GFAP: variants seen among roughly 807,000 people sequenced by gnomAD.
The protein encoded by GFAP is glial fibrillary acidic protein.
A neutral mutation model predicts 49.3 loss-of-function variants in GFAP; 38 were observed. The observed-to-expected ratio is 0.77, with a 90% confidence interval of 0.60 to 1.01. The LOEUF is 1.01. GFAP is among the 50% of genes least tolerant of loss of function. The pLI is 0.00. For missense variants in GFAP, 463 were observed against 579.1 expected (o/e 0.80, Z 2.06); for synonymous variants, 222 against 236.4 (o/e 0.94, Z 0.56).
Position 44,913,722 on chromosome 17 carries a change from C to A in GFAP, c.618+6G>T. 1.2e-6 allele frequency: 2 copies of A among 1,604,256 alleles called. No homozygotes were observed. The highest frequency in any genetic ancestry group is 1.1e-5 in the South Asian group (1 of 90,870). On this transcript the variant is annotated splice_donor_region_variant and intron_variant, in intron 3 of 8. Transcript: ENST00000588735. ...TTGAGCTTTCCTCCCTCTGCCCTGGCCTCACCTCCTCGTGGATCTTCCTCA... is the reference window on the plus strand; with the variant it reads ...TTGAGCTTTCCTCCCTCTGCCCTGGACTCACCTCCTCGTGGATCTTCCTCA...
rs1039767644 is a variant in GFAP, at chr17:44,913,361, C to G, written c.688G>C (p.Asp230His). The G allele has an allele frequency of 3.1e-6, 5 of 1,614,196 alleles. No individual in the cohort carries two copies. The South Asian group carries it at 5.5e-5, about 18-fold the overall frequency. The part of the protein sequence containing the change: ...VHVELDVAKP[D>H]LTAALKEIRT... ...ATCTCTTTCAGGGCTGCGGTGAGGT[C>G]TGGCTTGGCCACGTCAAGCTCCACA... Residue 230 changes from aspartate (D) to histidine (H), a missense_variant, in exon 4 of 9, where the codon GAC becomes CAC. By Grantham distance (81) the Asp-to-His change is moderately conservative. Transcript: ENST00000588735.
Position 44,903,906 on chromosome 17 carries a change from T to A in GFAP, c.*3441A>T. 6.4e-7 allele frequency: 1 copy of A among 1,550,562 alleles called. No individual in the cohort carries two copies. Among genetic ancestry groups the A allele is most frequent in the Non-Finnish European group, 8.7e-7 (1 of 1,146,962 alleles). On this transcript the variant is annotated 3_prime_UTR_variant, in exon 9 of 9. Transcript: ENST00000588735. ...TTTGAAATTGTGGAGAAGGAAAACATTTTTCAGAGGACCCCCTGCCCTGCT... is the reference window on the plus strand; with the variant it reads ...TTTGAAATTGTGGAGAAGGAAAACAATTTTCAGAGGACCCCCTGCCCTGCT...
At chr17:44,909,844 A>G in intron 7 of GFAP, 1 of 1,242,494 alleles carries the variant, frequency 8.0e-7, no homozygotes, top group Non-Finnish European at 1.0e-6. Flanking sequence ...GGGCCCTCCC[A>G]GTGACAGGAA....
intron 1 of GFAP, chr17:44,914,795 A>C (rs994489128): frequency 6.8e-6 from 4 of 584,516 alleles, no homozygotes; most frequent in Non-Finnish European, 1.2e-5. Flanking sequence ...GGAGGTGCTG[A>C]GGGGACCCTG....
At chr17:44,912,998 CATAGT>C in intron 4 of GFAP, 1 of 492,320 alleles carries the variant, frequency 2.0e-6, no homozygotes, top group Admixed American at 3.3e-5. Context: ...GCACCTACTT[CATAGT>C]AAGGTAATCC....
chr17:44,904,281 A>G lies in GFAP; in HGVS notation c.*3066T>C, dbSNP rs1324332201. The G allele has an allele frequency of 2.6e-6, 4 of 1,549,942 alleles. No homozygotes were observed. Among genetic ancestry groups the G allele is most frequent in the Non-Finnish European group, 3.5e-6 (4 of 1,146,704 alleles). ...AGTGAGGGAATGGTGGCCACTTTCCAGGACAAGGGCCAGGAGCCCTTTGCA... is the reference window on the plus strand; with the variant it reads ...AGTGAGGGAATGGTGGCCACTTTCCGGGACAAGGGCCAGGAGCCCTTTGCA... On this transcript the variant is annotated 3_prime_UTR_variant, in exon 9 of 9. Transcript: ENST00000588735.
Position 44,904,571 on chromosome 17 carries a change from A to T in GFAP, c.*2776T>A. 1.3e-6 allele frequency: 2 copies of T among 1,550,562 alleles called. No individual in the cohort carries two copies. The highest frequency in any genetic ancestry group is 2.4e-5 in the East Asian group (1 of 40,918). ...CTTAGTACCCTGTGAGAAGACAAAG[A>T]CCATCCGGGAGGGCGTGCTGGCCAT... On this transcript the variant is annotated 3_prime_UTR_variant, in exon 9 of 9. Coordinates refer to ENST00000588735, the MANE Select transcript of GFAP (RefSeq NM_002055.5).
At chr17:44,908,922 G>GAAGGAAGGAAGAAAGA (rs2051699029) in intron 7 of GFAP, 2 of 102,986 alleles carry the variant, frequency 1.9e-5, no homozygotes, top group Non-Finnish European at 3.8e-5. Flanking sequence ...AGGAAGGAAG[G>GAAGGAAGGAAGAAAGA]AAGAAAGAAA....
At chr17:44,908,757 AG>A (rs1379838020) in intron 7 of GFAP, 1 of 152,424 alleles carries the variant, frequency 6.6e-6, no homozygotes, top group Non-Finnish European at 1.5e-5. Flanking sequence ...GCTACTCAGG[AG>A]GCTGAGAGAG....
At position 44,907,300 on chromosome 17, in the gene GFAP, T is replaced by C; in HGVS notation, c.*47A>G. 1 of 1,587,004 alleles carries C rather than the reference T, an allele frequency of 6.3e-7. No individual in the cohort carries two copies. The highest frequency in any genetic ancestry group is 8.7e-7 in the Non-Finnish European group (1 of 1,155,630). ...GGCGGAGCAACTATCCTGCTTCTGC[T>C]CGGGCCCCTCATGAGACGGGGCAGA... On this transcript the variant is annotated 3_prime_UTR_variant, in exon 9 of 9. Transcript: ENST00000588735.
At position 44,906,605 on chromosome 17, in the gene GFAP, G is replaced by A. The variant is rs149058649; in HGVS notation, c.*742C>T. 4.4e-3 allele frequency: 680 copies of A among 152,882 alleles called. 3 individuals carry two copies. Among genetic ancestry groups the A allele is most frequent in the Non-Finnish European group, 6.9e-3 (471 of 68,498 alleles). The allele number at this position is 152,882 out of a possible 1,614,324, so 9.5% of individuals were successfully genotyped here. A position where few individuals can be genotyped will look rare whatever the true frequency, so the allele number is the denominator to read the frequency against. Reference sequence around the variant, plus strand: ...GGTGGACTGAGACACTTGAGTCATCGCTCAGGAGGTCCTTCTGGGATCTGG... The same window carrying A: ...GGTGGACTGAGACACTTGAGTCATCACTCAGGAGGTCCTTCTGGGATCTGG... On this transcript the variant is annotated 3_prime_UTR_variant, in exon 9 of 9. Transcript: ENST00000588735.
rs3785891 is a variant in GFAP, at chr17:44,912,972, C to T, written c.780+297G>A. 0.32 allele frequency: 137,264 copies of T among 425,296 alleles called. 23,370 individuals are homozygous for T. The highest frequency in any genetic ancestry group is 0.36 in the Non-Finnish European group (81,828 of 227,892). 26.3% of individuals were successfully genotyped at this position (425,296 alleles called of 1,614,324 possible). A position where few individuals can be genotyped will look rare whatever the true frequency, so the allele number is the denominator to read the frequency against. ...TAACCTCTCTGGACTTCGGCTCTCT[C>T]ATCTGTCAAAGAACAGCACCTACTT... is the stretch of plus-strand genomic sequence containing the variant. On this transcript the variant is annotated intron_variant, in intron 4 of 8. Coordinates refer to ENST00000588735, the MANE Select transcript of GFAP (RefSeq NM_002055.5).
Position 44,910,081 on chromosome 17 carries a change from G to A in GFAP, c.1171+534C>T, listed in dbSNP as rs1029470621. On this transcript the variant is annotated intron_variant, in intron 7 of 8. Transcript: ENST00000588735. ...CAGGGGGATTGGGAGGATGGGGTGGGTGAGGCTCACTCCCTGTCAAGCTGG... is the reference window on the plus strand; with the variant it reads ...CAGGGGGATTGGGAGGATGGGGTGGATGAGGCTCACTCCCTGTCAAGCTGG... The A allele has an allele frequency of 2.4e-5, 38 of 1,612,812 alleles. No individual in the cohort carries two copies. In the South Asian group the frequency reaches 3.6e-4, roughly 15 times the overall value.
At chr17:44,913,933 C>T (rs2051841502) in intron 2 of GFAP, 95 bp downstream of exon 2, 1 of 1,305,502 alleles carries the variant, frequency 7.7e-7, no homozygotes, top group Admixed American at 1.7e-5. Flanking sequence ...GGGAGCAGCA[C>T]ATTGCTCTGG....
intron 1 of GFAP, 33 bp downstream of exon 1, chr17:44,914,993 T>C: frequency 6.3e-7 from 1 of 1,576,084 alleles, no homozygotes; most frequent in East Asian, 2.2e-5. Flanking sequence ...CCCCTTCTGC[T>C]CACAAGGCCC....
rs777722590 is a variant in GFAP, at chr17:44,911,247, G to A, written c.1116C>T (p.Gly372=). ...EIATYRKLLE[G]EENRITIPVQ... ...TGATGAGGGCTCACCGGTTCTCCTCGCCCTCTAGCAGCTTCCTGTAGGTGG... is the reference window on the plus strand; with the variant it reads ...TGATGAGGGCTCACCGGTTCTCCTCACCCTCTAGCAGCTTCCTGTAGGTGG... The change falls in exon 6 of 9, where the codon GGC becomes GGT. Residue 372 remains glycine, a synonymous_variant. Transcript: ENST00000588735. The A allele has an allele frequency of 6.2e-6, 10 of 1,613,930 alleles. No individual in the cohort carries two copies. Among genetic ancestry groups the A allele is most frequent in the Non-Finnish European group, 8.5e-6 (10 of 1,179,934 alleles).
Position 44,915,471 on chromosome 17 carries a change from T to C in GFAP, c.16A>G (p.Ile6Val), listed in dbSNP as rs2051893143. The change falls in exon 1 of 9, where the codon ATC (isoleucine) becomes GTC (valine). Residue 6 changes from isoleucine (I) to valine (V), a missense_variant. Physicochemically the swap from Ile to Val is conservative, Grantham distance 29. This residue lies in a region of GFAP where 89 missense variants were observed against 87.5 expected (regional missense o/e 1.02). Transcript: ENST00000588735. The surrounding 1 kb of genome is among the most constrained non-coding windows in gnomAD (Gnocchi z 4.1). Reference protein sequence around the residue: MERRRITSAARRSYVS... With the variant: MERRRVTSAARRSYVS... Reference sequence around the variant, plus strand: ...TAGGAGCGGCGAGCAGCGGAGGTGATGCGTCTCCTCTCCATCCTGCTCTGG... The same window carrying C: ...TAGGAGCGGCGAGCAGCGGAGGTGACGCGTCTCCTCTCCATCCTGCTCTGG... 3.2e-6 allele frequency: 5 copies of C among 1,587,210 alleles called. No homozygotes were observed. The highest frequency in any genetic ancestry group is 4.6e-5 in the East Asian group (2 of 43,512).
intron 7 of GFAP, 91 bp downstream of exon 7, chr17:44,910,524 T>A: frequency 6.4e-7 from 1 of 1,552,962 alleles, no homozygotes; most frequent in Non-Finnish European, 8.7e-7. Context: ...CCCTTTGCCC[T>A]GATCCTCAGT....
intron 1 of GFAP, 43 bp from the exon 2 acceptor site, chr17:44,914,131 G>A (rs1377571483): frequency 3.5e-6 from 5 of 1,412,852 alleles, no homozygotes; most frequent in Non-Finnish European, 4.9e-6. Context: ...CTCTTCTGAG[G>A]ACACTTGAAT....
Sources: gnomAD v4.1 joint callset for allele counts on GRCh38, gnomAD v4.1.1 for gene constraint, gnomAD v4.1.1 regional missense constraint, Gnocchi (gnomAD v3.1) non-coding constraint, MANE v1.5 for transcripts, NCBI Gene and HGNC (gene_info 2026-07-23, HGNC 2026-07-21) for gene names.